EIF4ENIF1: variants seen among roughly 807,000 people sequenced by gnomAD.
The protein encoded by EIF4ENIF1 is eukaryotic translation initiation factor 4E nuclear import factor 1.
In EIF4ENIF1, 23 loss-of-function variants were observed where a neutral mutation model predicts 110.5. The ratio of observed to expected loss-of-function variants is 0.21; its 90% CI spans 0.15 to 0.29. The LOEUF (loss-of-function observed/expected upper bound fraction) is 0.29. Among genes scored for constraint, EIF4ENIF1 ranks in the 10% least tolerant of loss-of-function variants. EIF4ENIF1 has a pLI of 1.00. For synonymous variants in EIF4ENIF1, 440 were observed against 437.0 expected (o/e 1.01, Z -0.09); for missense variants, 1,031 against 1,221.1 (o/e 0.84, Z 2.32).
In EIF4ENIF1 at chr22:31,444,587, G is replaced by A; in HGVS notation, c.2073+19C>T. The A allele has an allele frequency of 1.2e-6, 2 of 1,612,334 alleles. No individual in the cohort carries two copies. The highest frequency in any genetic ancestry group is 1.7e-6 in the Non-Finnish European group (2 of 1,178,430). Reference sequence around the variant, plus strand: ...GGGAGAAGCCTTAAAGTCCTTCACAGTTACTAAAGGTCACTGACCATGCTT... The same window carrying A: ...GGGAGAAGCCTTAAAGTCCTTCACAATTACTAAAGGTCACTGACCATGCTT... On this transcript the variant is annotated intron_variant, in intron 15 of 18. Transcript: ENST00000330125.
At chr22:31,437,846 A>G (rs937684670), downstream of EIF4ENIF1, 1 of 152,240 alleles carries the variant, frequency 6.6e-6, no homozygotes, top group Admixed American at 6.5e-5. Context: ...CATTTGCCAA[A>G]AATTCTAAAC....
Position 31,449,429 on chromosome 22 carries a change from G to T in EIF4ENIF1, c.1687C>A (p.Pro563Thr). The T allele has an allele frequency of 6.2e-7, 1 of 1,614,162 alleles. No individual in the cohort carries two copies. Among genetic ancestry groups the T allele is most frequent in the Non-Finnish European group, 8.5e-7 (1 of 1,180,026 alleles). Reference protein sequence around the residue: ...PTTSLLGQRAPSPPLSQVFQT... With the variant: ...PTTSLLGQRATSPPLSQVFQT... The stretch of plus-strand genomic sequence containing the variant: ...AACACCTGTGACAAGGGAGGAGAGG[G>T]TGCTCTTTGGCCCAGTAAAGATGTT... Residue 563 changes from proline to threonine, a missense_variant, in exon 12 of 19, where the codon CCC (proline) becomes ACC (threonine). Pro to Thr is a conservative substitution (Grantham distance 38). Coordinates refer to ENST00000330125, the MANE Select transcript of EIF4ENIF1 (RefSeq NM_019843.4).
At chr22:31,447,743 T>C (rs180886730) in intron 13 of EIF4ENIF1, among the ~76,000 whole-genome samples, 178 bp from the exon 14 acceptor site, 135 of 152,356 alleles carry the variant, frequency 8.9e-4, no homozygotes, top group African/African-American at 3.1e-3. Context: ...TAAGTATTAC[T>C]TGAATTATTC....
Position 31,442,067 on chromosome 22 carries a change from G to C in EIF4ENIF1, c.2258C>G (p.Pro753Arg). 5 of 1,614,172 alleles carry C rather than the reference G, an allele frequency of 3.1e-6. No individual in the cohort carries two copies. The East Asian group carries it at 6.7e-5, about 22-fold the overall frequency. The change falls in exon 17 of 19, where the codon CCC (proline) becomes CGC (arginine). Residue 753 changes from proline (P) to arginine (R), a missense_variant. Pro to Arg is a moderately radical substitution (Grantham distance 103). Transcript: ENST00000330125. Reference sequence around the variant, plus strand: ...TGCTGACAGTTTGGAATTTGTAGTGGGAGAAGAGTCTCGATCGGCACTGGG... The same window carrying C: ...TGCTGACAGTTTGGAATTTGTAGTGCGAGAAGAGTCTCGATCGGCACTGGG... ...SVPSADRDSS[P>R]TTNSKLSALQ...
rs547081033 is a variant in EIF4ENIF1 at position 31,456,081 on chromosome 22, C to T, written c.964-94G>A. 57 of 1,299,182 alleles carry T rather than the reference C, an allele frequency of 4.4e-5. No homozygotes were observed. In the East Asian group the frequency reaches 7.4e-4, roughly 17 times the overall value. 80.5% of individuals were successfully genotyped at this position (1,299,182 alleles called of 1,614,324 possible). The stretch of plus-strand genomic sequence containing the variant: ...AAAGGGTCACTTACTTTGAAACTTC[C>T]TTTCATGCTCGTGACCTGAAGATAA... On this transcript the variant is annotated intron_variant, in intron 7 of 18. Coordinates refer to ENST00000330125, the MANE Select transcript of EIF4ENIF1 (RefSeq NM_019843.4).
At chr22:31,455,072 C>A in intron 9 of EIF4ENIF1, 64 bp downstream of exon 9, 1 of 1,407,742 alleles carries the variant, frequency 7.1e-7, no homozygotes, top group Non-Finnish European at 9.5e-7. Context: ...TTAGACCCAA[C>A]TGCCTGAAGA....
intron 2 of EIF4ENIF1, among the ~76,000 whole-genome samples, chr22:31,472,270 A>AT (rs11404399): frequency 0.46 from 65,379 of 142,200 alleles, 15,048 homozygotes; most frequent in Middle Eastern, 0.56. Context: ...TTACAAGGGG[A>AT]TTTTTTTTTT....
chr22:31,471,968 C>G (rs1446114302), intron 2 of EIF4ENIF1, 51 bp from the exon 3 acceptor site: 1 of 1,407,722 alleles, frequency 7.1e-7, no homozygotes, highest in East Asian at 2.3e-5. Context: ...TTAGGCCACA[C>G]ACTTTAAACT....
chr22:31,478,544 G>T (rs575239717), intron 2 of EIF4ENIF1, among the ~76,000 whole-genome samples: 1 of 149,806 alleles, frequency 6.7e-6, no homozygotes, highest in East Asian at 2.0e-4. Flanking sequence ...AATGCTGAGT[G>T]CAGTGGCTCA....
chr22:31,479,262 G>C (rs1201890248), intron 2 of EIF4ENIF1: 1 of 151,978 alleles, frequency 6.6e-6, no homozygotes, highest in South Asian at 2.1e-4. Context: ...GTAGAGATGC[G>C]GTTTCATCAT....
intron 2 of EIF4ENIF1, among the ~76,000 whole-genome samples, chr22:31,478,881 G>T (rs1326037662): frequency 6.6e-6 from 1 of 151,452 alleles, no homozygotes; most frequent in Non-Finnish European, 1.5e-5. Context: ...GAACCCGGGA[G>T]GCGGAGCTTG....
chr22:31,452,511 T>C (rs944802590), intron 10 of EIF4ENIF1, among the ~76,000 whole-genome samples: 117 of 152,304 alleles, frequency 7.7e-4, no homozygotes, highest in African/African-American at 2.7e-3. Context: ...ATTGTGTTAA[T>C]ATCAAATCCT....
chr22:31,482,041 C>T (rs2051833761), intron 2 of EIF4ENIF1, among the ~76,000 whole-genome samples: 1 of 151,834 alleles, frequency 6.6e-6, no homozygotes, highest in Non-Finnish European at 1.5e-5. Context: ...TGTGGTGACA[C>T]ACACCTGTAG....
chr22:31,486,479 CAAAA>C (rs1202628593), intron 2 of EIF4ENIF1, among the ~76,000 whole-genome samples: 1 of 150,172 alleles, frequency 6.7e-6, no homozygotes, highest in Non-Finnish European at 1.5e-5. Context: ...AAATAATAAA[CAAAA>C]AGTACTGGAA....
intron 11 of EIF4ENIF1, 112 bp from the exon 12 acceptor site, chr22:31,449,643 C>A: frequency 1.1e-6 from 1 of 923,794 alleles, no homozygotes; most frequent in Non-Finnish European, 1.6e-6. Context: ...TCATGCTCAA[C>A]TGAAGGACTT....
In EIF4ENIF1 at chr22:31,448,237, C is replaced by G; in HGVS notation, c.1769-5G>C. 14 of 1,614,002 alleles carry G rather than the reference C, an allele frequency of 8.7e-6. No homozygotes were observed. Among genetic ancestry groups the G allele is most frequent in the Non-Finnish European group, 1.2e-5 (14 of 1,179,954 alleles). ...GCTGTGGTCCTGGTGTGAAACCTGT[C>G]GGGAAAGTTAGTCTCAGTGAGTACC... On this transcript the variant is annotated splice_polypyrimidine_tract_variant and splice_region_variant and intron_variant, in intron 12 of 18. Transcript: ENST00000330125.
chr22:31,460,839 G>A (rs1260150753), intron 6 of EIF4ENIF1, among the ~76,000 whole-genome samples: 4 of 151,892 alleles, frequency 2.6e-5, no homozygotes, highest in East Asian at 3.9e-4. Flanking sequence ...CCAGCTACTC[G>A]GGAGGCTGAG....
chr22:31,453,979 A>G (rs534567624), intron 10 of EIF4ENIF1, among the ~76,000 whole-genome samples, 165 bp downstream of exon 10: 1 of 152,300 alleles, frequency 6.6e-6, no homozygotes, highest in South Asian at 2.1e-4. Context: ...CCAGTAACAA[A>G]TAGCATATCA....
chr22:31,486,794 G>C (rs2052045753), intron 2 of EIF4ENIF1, among the ~76,000 whole-genome samples: 1 of 151,578 alleles, frequency 6.6e-6, no homozygotes, highest in Admixed American at 6.6e-5. Context: ...AATAAGTACT[G>C]GAACGGCTGG....
Sources: gnomAD v4.1 joint callset for allele counts (sites outside exome capture counted in the v4.1 genomes callset) on GRCh38, gnomAD v4.1.1 for gene constraint, MANE v1.5 for transcripts, NCBI Gene and HGNC (gene_info 2026-07-23, HGNC 2026-07-21) for gene names.